The following ROS1 variants were observed in gnomAD, a reference collection of about 807,000 sequenced individuals.
ROS1 encodes the protein ROS proto-oncogene 1, receptor tyrosine kinase.
ROS1 carries 263 observed loss-of-function variants against 273.5 expected under a neutral mutation model. That is an observed-to-expected ratio of 0.96 (90% CI 0.87 to 1.06). ROS1 has a LOEUF of 1.06. ROS1 is among the 50% of genes least tolerant of loss of function. The pLI, the probability that ROS1 is intolerant of heterozygous loss-of-function variation, is 0.00. For synonymous variants in ROS1, 1,008 were observed against 954.1 expected (o/e 1.06, Z -1.04); for missense variants, 2,833 against 2,751.1 (o/e 1.03, Z -0.67).
At chr6:117,314,461 A>G (rs1175586196) in intron 39 of ROS1, among the ~76,000 whole-genome samples, 4 of 152,192 alleles carry the variant, frequency 2.6e-5, no homozygotes, top group Non-Finnish European at 5.9e-5. Flanking sequence ...AGGGACAAGA[A>G]GAAGGACTGA....
chr6:117,373,078 C>A (rs1003345899), intron 18 of ROS1, among the ~76,000 whole-genome samples: 7 of 152,202 alleles, frequency 4.6e-5, no homozygotes, highest in Non-Finnish European at 1.0e-4. Context: ...CTCCAAGTCC[C>A]TACCAGATTA....
chr6:117,394,540 T>G (rs1260105716), intron 10 of ROS1, 76 bp downstream of exon 10: 1 of 1,264,632 alleles, frequency 7.9e-7, no homozygotes, highest in Non-Finnish European at 1.0e-6. Context: ...ATTCAAAAAT[T>G]TTCTTTTATT....
intron 18 of ROS1, among the ~76,000 whole-genome samples, chr6:117,377,642 G>A (rs1781447499): frequency 6.6e-6 from 1 of 151,724 alleles, no homozygotes; most frequent in Non-Finnish European, 1.5e-5. Context: ...TCACAACTTT[G>A]GGATAGGCTA....
intron 42 of ROS1, among the ~76,000 whole-genome samples, chr6:117,303,014 T>A (rs1212016564): frequency 1.3e-5 from 2 of 152,218 alleles, no homozygotes; most frequent in South Asian, 2.1e-4. Flanking sequence ...CTGCCTTTTT[T>A]AATTTGACTA....
At chr6:117,383,181 G>C in intron 17 of ROS1, 136 bp downstream of exon 17, 1 of 622,200 alleles carries the variant, frequency 1.6e-6, no homozygotes, top group East Asian at 2.8e-5. Context: ...AGAAAACTTG[G>C]TTAAACCAAG....
At position 117,396,919 on chromosome 6, in the gene ROS1, A is replaced by T. The variant is rs1773532310; in HGVS notation, c.802T>A (p.Tyr268Asn). 1 of 1,606,444 alleles carries T rather than the reference A, an allele frequency of 6.2e-7. No homozygotes were observed. Among genetic ancestry groups the T allele is most frequent in the African/African-American group, 1.3e-5 (1 of 74,722 alleles). ...QFYSTLPNTI[Y>N]RFSIAAVNEV... ...TCTGTATCACTTAATTCTTACCTGT[A>T]GATAGTATTTGGTAAAGTGGAGTAA... Residue 268 changes from tyrosine to asparagine, a missense_variant, in exon 8 of 44, where the codon TAC (tyrosine) becomes AAC (asparagine). By Grantham distance (143) the Tyr-to-Asn change is moderately radical. Transcript: ENST00000368507.
intron 35 of ROS1, 110 bp downstream of exon 35, chr6:117,324,220 ACT>A (rs1776478021): frequency 4.7e-6 from 3 of 642,232 alleles, no homozygotes; most frequent in Non-Finnish European, 8.3e-6. Context: ...AATTTTATTA[ACT>A]TAATCAGGCA....
chr6:117,416,916 C>T (rs1034484681), intron 2 of ROS1, among the ~76,000 whole-genome samples: 4 of 152,160 alleles, frequency 2.6e-5, no homozygotes, highest in African/African-American at 9.7e-5. Context: ...CCACAGGCCA[C>T]GGTGGCACCT....
chr6:117,388,349 A>G (rs1390462505), intron 13 of ROS1, among the ~76,000 whole-genome samples: 2 of 152,346 alleles, frequency 1.3e-5, no homozygotes, highest in Non-Finnish European at 2.9e-5. Context: ...TAATGTAATT[A>G]CCACTGTTTG....
intron 32 of ROS1, among the ~76,000 whole-genome samples, chr6:117,330,561 G>A (rs1361627174): frequency 6.6e-6 from 1 of 152,156 alleles, no homozygotes; most frequent in Non-Finnish European, 1.5e-5. Context: ...ATACAGGAGC[G>A]ATCCTACTGG....
intron 5 of ROS1, 61 bp downstream of exon 5, chr6:117,409,521 A>G (rs543357749): frequency 3.3e-5 from 39 of 1,173,810 alleles, no homozygotes; most frequent in Middle Eastern, 1.9e-4. Flanking sequence ...TTATCTTTAC[A>G]TAAGTACAAG....
intron 41 of ROS1, 142 bp from the exon 42 acceptor site, chr6:117,309,070 A>T: frequency 1.4e-6 from 1 of 694,648 alleles, no homozygotes; most frequent in South Asian, 2.0e-5. Flanking sequence ...CAAACGGCAG[A>T]TATAAAAGCA....
Position 117,383,393 on chromosome 6 carries a change from TAG to T in ROS1, c.2403_2404del (p.Tyr802PhefsTer35). ...ATTTAGTCTGGTGCTTTCCACTGAA[TAG>T]AGTGTGGTCCAGTAGAGATATCCAC... On this transcript the variant is annotated frameshift_variant, in exon 17 of 44. Coordinates refer to ENST00000368507, the MANE Select transcript of ROS1 (RefSeq NM_001378902.1). LOFTEE classifies it high-confidence loss of function. 1 of 1,614,050 alleles carries T rather than the reference TAG, an allele frequency of 6.2e-7. No individual in the cohort carries two copies. The highest frequency in any genetic ancestry group is 8.5e-7 in the Non-Finnish European group (1 of 1,179,904).
At chr6:117,383,644 G>T in intron 16 of ROS1, 136 bp from the exon 17 acceptor site, 2 of 721,292 alleles carry the variant, frequency 2.8e-6, no homozygotes, top group East Asian at 5.3e-5. Context: ...GGCACTATGT[G>T]CTGGGTAGTG....
Position 117,389,589 on chromosome 6 carries a change from T to C in ROS1, c.1547A>G (p.Asn516Ser). The stretch of plus-strand genomic sequence containing the variant: ...CTTGCCATCTGTGACAAGAAAGTCA[T>C]TGTTTTCACAAGCAAAACTTTTCAC... ...ADVKSFACEN[N>S]DFLVTDGKVI... Residue 516 changes from asparagine (N) to serine (S), a missense_variant, in exon 13 of 44, where the codon AAT becomes AGT. Asn to Ser is a conservative substitution (Grantham distance 46). Coordinates refer to ENST00000368507, the MANE Select transcript of ROS1 (RefSeq NM_001378902.1). 1 of 1,614,228 alleles carries C rather than the reference T, an allele frequency of 6.2e-7. No individual in the cohort carries two copies. Among genetic ancestry groups the C allele is most frequent in the South Asian group, 1.1e-5 (1 of 91,088 alleles).
chr6:117,383,950 CT>C (rs1772362998), intron 16 of ROS1, among the ~76,000 whole-genome samples: 1 of 152,178 alleles, frequency 6.6e-6, no homozygotes, highest in Non-Finnish European at 1.5e-5. Flanking sequence ...AGGCACTGTA[CT>C]TTTTTATCTT....
intron 5 of ROS1, among the ~76,000 whole-genome samples, chr6:117,409,139 C>T (rs1394538467): frequency 6.6e-6 from 1 of 151,796 alleles, no homozygotes; most frequent in Non-Finnish European, 1.5e-5. Flanking sequence ...GGGTGCAGCA[C>T]ACCAACATGG....
At position 117,397,125 on chromosome 6, in the gene ROS1, GA is replaced by G. The variant is rs747631008; in HGVS notation, c.605-10del. On this transcript the variant is annotated splice_polypyrimidine_tract_variant and intron_variant, in intron 7 of 43. Transcript: ENST00000368507. The stretch of plus-strand genomic sequence containing the variant: ...AGGTGCAGTTTCAGGAACTGGAAGA[GA>G]TAATGGTGACATAATGAGCAGAAAA... The G allele has an allele frequency of 6.8e-5, 108 of 1,577,228 alleles. No homozygotes were observed. The highest frequency in any genetic ancestry group is 3.3e-4 in the Middle Eastern group (2 of 6,024).
chr6:117,424,474 T>A (rs894237989), intron 1 of ROS1, among the ~76,000 whole-genome samples: 1 of 152,058 alleles, frequency 6.6e-6, no homozygotes, highest in South Asian at 2.1e-4. Context: ...AGTTAAAATC[T>A]TTTTTAGAAC....
Sources: gnomAD v4.1 joint callset for allele counts (sites outside exome capture counted in the v4.1 genomes callset) on GRCh38, gnomAD v4.1.1 for gene constraint, MANE v1.5 for transcripts, NCBI Gene and HGNC (gene_info 2026-07-23, HGNC 2026-07-21) for gene names.